Variants in RUNX1 observed in about 807,000 individuals in gnomAD.
The protein encoded by RUNX1 is RUNX family transcription factor 1.
In RUNX1, 19 loss-of-function variants were observed where a neutral mutation model predicts 42.8. The ratio of observed to expected loss-of-function variants is 0.44; its 90% confidence interval spans 0.31 to 0.65. The LOEUF (loss-of-function observed/expected upper bound fraction) is 0.65. RUNX1 is among the 30% of genes least tolerant of loss of function. The probability of loss-of-function intolerance (pLI) is 0.07; values close to 1 mark genes in which losing one functional copy is unlikely to be tolerated. For missense variants in RUNX1, 528 were observed against 672.0 expected (o/e 0.79, Z 2.37); for synonymous variants, 271 against 289.4 (o/e 0.94, Z 0.64).
chr21:34,982,571 T>C (rs1165336286), intron 2 of RUNX1, among the ~76,000 whole-genome samples: 2 of 152,128 alleles, frequency 1.3e-5, no homozygotes, highest in Non-Finnish European at 2.9e-5. Flanking sequence ...TGTTTACTTT[T>C]TTTATTTTTA....
At chr21:34,822,919 TCCTC>T (rs1344528021) in intron 7 of RUNX1, among the ~76,000 whole-genome samples, 1 of 152,110 alleles carries the variant, frequency 6.6e-6, no homozygotes, top group Non-Finnish European at 1.5e-5. Flanking sequence ...CATTATTTCT[TCCTC>T]CCTTTTTATC....
chr21:35,013,848 A>G (rs1170991318), intron 2 of RUNX1, among the ~76,000 whole-genome samples: 1 of 152,264 alleles, frequency 6.6e-6, no homozygotes, highest in Non-Finnish European at 1.5e-5. Context: ...ATTTAAGGCC[A>G]TTTAAGTAAA....
At chr21:34,823,701 C>T (rs543937185) in intron 7 of RUNX1, among the ~76,000 whole-genome samples, 1 of 152,202 alleles carries the variant, frequency 6.6e-6, no homozygotes, top group Admixed American at 6.5e-5. Flanking sequence ...CCTCGGTCTC[C>T]CAAAGTGCTG....
intron 2 of RUNX1, among the ~76,000 whole-genome samples, chr21:34,967,319 CAAAAAAAAAAAAAAAAA>C (rs398036394): frequency 4.5e-4 from 7 of 15,630 alleles, no homozygotes; most frequent in African/African-American, 7.9e-4. Flanking sequence ...GACTCGGTCT[CAAAAAAAAAAAAAAAAA>C]AAAAAAAAAA....
intron 3 of RUNX1, among the ~76,000 whole-genome samples, chr21:34,892,628 A>T (rs958289116): frequency 2.0e-5 from 3 of 152,220 alleles, no homozygotes; most frequent in Non-Finnish European, 4.4e-5. Context: ...AGGGAAGCCA[A>T]GCTCTGTTTT....
rs955993105 is a variant in RUNX1 at position 34,907,708 on chromosome 21, C to T, written c.59-14745G>A. On this transcript the variant is annotated intron_variant, in intron 2 of 8. Coordinates refer to ENST00000675419, the MANE Select transcript of RUNX1 (RefSeq NM_001754.5). The surrounding 1 kb of genome is among the most constrained non-coding windows in gnomAD (Gnocchi z 5.3). ...AAGAAAACCAATTAAATCATAACTG[C>T]CGAAGTGCCTTGTCAAGCTAAACAG... 3.3e-5 allele frequency among the ~76,000 whole-genome samples: 5 copies of T among 152,110 alleles called. No individual in the cohort carries two copies. Among genetic ancestry groups the T allele is most frequent in the Non-Finnish European group, 7.4e-5 (5 of 68,022 alleles).
At chr21:34,926,200 C>T (rs1044007346) in intron 2 of RUNX1, among the ~76,000 whole-genome samples, 5 of 151,684 alleles carry the variant, frequency 3.3e-5, no homozygotes, top group Admixed American at 1.3e-4. Flanking sequence ...ACAGGCTGTG[C>T]GTGGTGGCTC....
Position 34,845,636 on chromosome 21 carries a change from C to T in RUNX1, c.614-11035G>A, listed in dbSNP as rs541812219. ...CAAGACCTCAGCTCAGGGAGACAGC[C>T]CTCATAAACTGCCGCAGATTACCCT... On this transcript the variant is annotated intron_variant, in intron 6 of 8. Coordinates refer to ENST00000675419, the MANE Select transcript of RUNX1 (RefSeq NM_001754.5). Among the ~76,000 whole-genome samples the T allele has an allele frequency of 2.0e-5, 3 of 152,290 alleles. No homozygotes were observed. The South Asian group carries it at 6.2e-4, about 32-fold the overall frequency.
intron 2 of RUNX1, among the ~76,000 whole-genome samples, chr21:34,918,648 G>A (rs1451668258): frequency 1.3e-5 from 2 of 152,178 alleles, no homozygotes; most frequent in Non-Finnish European, 2.9e-5. Context: ...GGTGGCTCAC[G>A]CCTGTCATCC....
chr21:34,821,546 T>C, intron 7 of RUNX1: 1 of 1,530,164 alleles, frequency 6.5e-7, no homozygotes, highest in Non-Finnish European at 8.8e-7. Context: ...ACATTCTGCC[T>C]TCCTCATAAC....
At chr21:34,841,354 A>C (rs1014986576) in intron 6 of RUNX1, among the ~76,000 whole-genome samples, 2 of 152,154 alleles carry the variant, frequency 1.3e-5, no homozygotes, top group Non-Finnish European at 2.9e-5. Context: ...GAGAATCACC[A>C]GCAGGAATAG....
At chr21:34,882,992 A>G (rs1441234967) in intron 4 of RUNX1, among the ~76,000 whole-genome samples, 1 of 152,364 alleles carries the variant, frequency 6.6e-6, no homozygotes, top group Middle Eastern at 3.4e-3. Context: ...GTGAAAATAA[A>G]TAAATCTTCT....
intron 2 of RUNX1, among the ~76,000 whole-genome samples, chr21:34,961,977 C>T (rs1017879866): frequency 4.6e-5 from 7 of 152,124 alleles, no homozygotes; most frequent in African/African-American, 1.7e-4. Context: ...ACTGTAGCCT[C>T]AATCTCCTGG....
At chr21:34,898,803 G>C (rs890429684) in intron 2 of RUNX1, among the ~76,000 whole-genome samples, 2 of 152,214 alleles carry the variant, frequency 1.3e-5, no homozygotes, top group African/African-American at 4.8e-5. Context: ...TGCCTCAGCA[G>C]GTCTCGGAAG....
At chr21:35,047,561 A>ACACTCTCT (rs1428982623) in intron 2 of RUNX1, among the ~76,000 whole-genome samples, 1 of 46,812 alleles carries the variant, frequency 2.1e-5, no homozygotes, top group African/African-American at 8.5e-5. Flanking sequence ...ACACACACAC[A>ACACTCTCT]CTCTCTCTCT....
At chr21:34,994,653 ACTACGTACC>A (rs2058979400) in intron 2 of RUNX1, among the ~76,000 whole-genome samples, 1 of 152,164 alleles carries the variant, frequency 6.6e-6, no homozygotes, top group Non-Finnish European at 1.5e-5. Context: ...ATTTACGGGT[ACTACGTACC>A]CGTAAAAATT....
chr21:35,031,244 A>T (rs1417207616), intron 2 of RUNX1, among the ~76,000 whole-genome samples: 1 of 152,234 alleles, frequency 6.6e-6, no homozygotes, highest in Admixed American at 6.5e-5. Flanking sequence ...GCTACTCGGG[A>T]GGCTGAGGCA....
At chr21:34,796,136 G>T (rs979871904) in intron 8 of RUNX1, among the ~76,000 whole-genome samples, 14 of 152,336 alleles carry the variant, frequency 9.2e-5, no homozygotes, top group Non-Finnish European at 2.1e-4. Context: ...CTGGAATGAT[G>T]TTATGGTCTC....
chr21:34,869,833 C>A (rs559638131), intron 5 of RUNX1, among the ~76,000 whole-genome samples: 1 of 152,172 alleles, frequency 6.6e-6, no homozygotes, highest in East Asian at 1.9e-4. Flanking sequence ...TGTAACCCAG[C>A]GACAGGACAA....
Sources: gnomAD v4.1 joint callset for allele counts (sites outside exome capture counted in the v4.1 genomes callset) on GRCh38, gnomAD v4.1.1 for gene constraint, Gnocchi (gnomAD v3.1) non-coding constraint, MANE v1.5 for transcripts, NCBI Gene and HGNC (gene_info 2026-07-23, HGNC 2026-07-21) for gene names.